DPP6: variants seen among roughly 807,000 people sequenced by gnomAD.
DPP6 encodes A-type potassium channel modulatory protein DPP6.
DPP6 carries 69 observed loss-of-function variants against 122.6 expected under a neutral mutation model. That is an observed-to-expected ratio of 0.56 (90% CI 0.46 to 0.69). The LOEUF is 0.69. Ranked by LOEUF, DPP6 falls within the 30% of genes least tolerant of loss-of-function variation. DPP6 has a pLI of 0.00. For synonymous variants in DPP6, 418 were observed against 433.1 expected (o/e 0.97, Z 0.43); for missense variants, 928 against 1,116.9 (o/e 0.83, Z 2.41).
intron 6 of DPP6, among the ~76,000 whole-genome samples, chr7:154,640,164 A>G (rs1835979347): frequency 6.6e-6 from 1 of 152,180 alleles, no homozygotes; most frequent in Admixed American, 6.5e-5. Flanking sequence ...AGGCAGGAGA[A>G]TCGCTTGAAC....
intron 1 of DPP6, among the ~76,000 whole-genome samples, chr7:154,188,406 C>T (rs1203905992): frequency 6.6e-6 from 1 of 152,032 alleles, no homozygotes. Flanking sequence ...CTTAATAAGA[C>T]ATAGTCCTTA....
chr7:153,970,214 A>G (rs1203635806), intron 1 of DPP6, among the ~76,000 whole-genome samples: 1 of 152,168 alleles, frequency 6.6e-6, no homozygotes, highest in Non-Finnish European at 1.5e-5. Flanking sequence ...TGGTCATATG[A>G]TAAGTTTATG....
At chr7:153,941,947 C>A (rs1370924756) in intron 1 of DPP6, among the ~76,000 whole-genome samples, 1 of 152,122 alleles carries the variant, frequency 6.6e-6, no homozygotes, top group Admixed American at 6.6e-5. Context: ...CATATTTTAC[C>A]TGTGGCTGGG....
intron 1 of DPP6, among the ~76,000 whole-genome samples, chr7:154,313,686 T>TGTGTGTGTGTATATATAC (rs1491447277): frequency 1.3e-4 from 1 of 7,820 alleles, no homozygotes; most frequent in Admixed American, 1.0e-3. Context: ...TAAGATATGG[T>TGTGTGTGTGTATATATAC]ATATATATAT....
chr7:154,576,162 C>A (rs1831655565), intron 5 of DPP6, among the ~76,000 whole-genome samples: 1 of 152,198 alleles, frequency 6.6e-6, no homozygotes, highest in Admixed American at 6.5e-5. Context: ...TCTAATTGGT[C>A]TCTCTACTTC....
intron 16 of DPP6, among the ~76,000 whole-genome samples, chr7:154,823,928 A>C (rs1306190096): frequency 6.6e-6 from 1 of 152,222 alleles, no homozygotes; most frequent in Non-Finnish European, 1.5e-5. Flanking sequence ...ATGGAGAGAT[A>C]CTGAAGTGCA....
At chr7:154,340,595 ATC>A (rs1453873653) in intron 1 of DPP6, among the ~76,000 whole-genome samples, 1 of 152,184 alleles carries the variant, frequency 6.6e-6, no homozygotes, top group African/African-American at 2.4e-5. Context: ...TCTTCATGCT[ATC>A]TCTTTGTTTA....
At chr7:154,655,096 T>C (rs1837151874) in intron 6 of DPP6, among the ~76,000 whole-genome samples, 1 of 152,166 alleles carries the variant, frequency 6.6e-6, no homozygotes, top group African/African-American at 2.4e-5. Flanking sequence ...CCTTCCATGC[T>C]AAGTACATAG....
intron 1 of DPP6, among the ~76,000 whole-genome samples, chr7:153,965,524 A>AT (rs887531359): frequency 2.0e-5 from 3 of 151,826 alleles, no homozygotes; most frequent in South Asian, 4.2e-4. Flanking sequence ...TTTATTTTTT[A>AT]TTTTTTGAGA....
At chr7:154,225,967 C>T (rs568657696) in intron 1 of DPP6, among the ~76,000 whole-genome samples, 2 of 137,492 alleles carry the variant, frequency 1.5e-5, no homozygotes, top group South Asian at 2.2e-4. Flanking sequence ...ATTCATGTTA[C>T]CCACTTTTGA....
intron 5 of DPP6, chr7:154,588,760 C>G (rs955403172): frequency 6.6e-6 from 1 of 152,184 alleles, no homozygotes; most frequent in Admixed American, 6.5e-5. Context: ...AGCTTGTAAT[C>G]ACTCTTATTG....
intron 1 of DPP6, among the ~76,000 whole-genome samples, chr7:154,239,830 AAAAAG>A (rs1801462159): frequency 6.6e-6 from 1 of 150,996 alleles, no homozygotes. Flanking sequence ...AAAAAAAAAA[AAAAAG>A]AAAAAGAAAA....
intron 10 of DPP6, among the ~76,000 whole-genome samples, chr7:154,783,450 C>T (rs541204110): frequency 6.6e-6 from 1 of 152,270 alleles, no homozygotes; most frequent in Admixed American, 6.5e-5. Context: ...AACAGGTTTA[C>T]AGGGAGCAGC....
chr7:154,786,658 T>C (rs536598903), intron 10 of DPP6, among the ~76,000 whole-genome samples: 21 of 152,166 alleles, frequency 1.4e-4, no homozygotes, highest in Non-Finnish European at 2.6e-4. Flanking sequence ...TAAATTTCTT[T>C]CCTTTATAAA....
At chr7:154,856,501 G>A (rs929801959) in intron 17 of DPP6, among the ~76,000 whole-genome samples, 1 of 152,198 alleles carries the variant, frequency 6.6e-6, no homozygotes, top group Admixed American at 6.5e-5. Context: ...ATCTATAGGT[G>A]GGCTGAGGTG....
At chr7:154,795,991 C>G in intron 12 of DPP6, 108 bp downstream of exon 12, 2 of 1,455,752 alleles carry the variant, frequency 1.4e-6, no homozygotes, top group Admixed American at 5.5e-5. Context: ...GTAAATCACA[C>G]AGGGCTCCCC....
At chr7:154,567,841 G>A (rs1320736984) in intron 5 of DPP6, among the ~76,000 whole-genome samples, 1 of 152,152 alleles carries the variant, frequency 6.6e-6, no homozygotes, top group Non-Finnish European at 1.5e-5. Context: ...TATCCACTGG[G>A]AAAGCTGGGG....
At chr7:154,717,207 A>G (rs1205874300) in intron 7 of DPP6, among the ~76,000 whole-genome samples, 1 of 152,188 alleles carries the variant, frequency 6.6e-6, no homozygotes, top group African/African-American at 2.4e-5. Flanking sequence ...CAGCTCGAAC[A>G]TTTATCATTT....
At chr7:154,221,083 G>A (rs528101562) in intron 1 of DPP6, among the ~76,000 whole-genome samples, 13 of 152,180 alleles carry the variant, frequency 8.5e-5, no homozygotes, top group East Asian at 3.9e-4. Context: ...CCTCACCCTC[G>A]TTATTTAATT....
Sources: allele counts gnomAD v4.1 joint callset (sites outside exome capture counted in the v4.1 genomes callset), GRCh38; gene constraint gnomAD v4.1.1; transcripts MANE v1.5; gene names NCBI Gene and HGNC (gene_info 2026-07-23, HGNC 2026-07-21).